The following LRFN5 variants were observed in gnomAD, a reference collection of about 807,000 sequenced individuals.
LRFN5 encodes leucine rich repeat and fibronectin type III domain containing 5.
LRFN5 carries 24 observed loss-of-function variants against 45.6 expected under a neutral mutation model. The ratio of observed to expected loss-of-function variants is 0.53; its 90% CI spans 0.38 to 0.74. The LOEUF is 0.74. Ranked by LOEUF, LRFN5 falls within the 30% of genes least tolerant of loss-of-function variation. LRFN5 has a pLI of 0.00. For missense variants in LRFN5, 776 were observed against 861.5 expected, an observed-to-expected ratio of 0.90 and a Z score of 1.24; for synonymous variants, 340 against 313.8, an observed-to-expected ratio of 1.08 and a Z score of -0.88.
intron 1 of LRFN5, chr14:41,742,651 G>A (rs1884751798): frequency 6.7e-6 from 1 of 149,362 alleles, no homozygotes; most frequent in East Asian, 2.0e-4. Context: ...TGGGGCTTAT[G>A]GGGCCATGAT....
At chr14:41,777,326 A>G (rs773802737) in intron 2 of LRFN5, among the ~76,000 whole-genome samples, 5 of 151,654 alleles carry the variant, frequency 3.3e-5, no homozygotes, top group Non-Finnish European at 5.9e-5. Context: ...TACTCTATCA[A>G]TGTTCTTTTT....
intron 1 of LRFN5, among the ~76,000 whole-genome samples, chr14:41,753,791 T>C (rs548651677): frequency 2.0e-5 from 3 of 152,284 alleles, no homozygotes; most frequent in Non-Finnish European, 1.5e-5. Flanking sequence ...TGGCCAGGAC[T>C]TCCAACACTA....
At chr14:41,829,560 G>T (rs1475244) in intron 2 of LRFN5, among the ~76,000 whole-genome samples, 79,337 of 151,380 alleles carry the variant, frequency 0.52, 21,683 homozygotes, top group African/African-American at 0.63. Context: ...TAATGGTTGT[G>T]TTCCTCTTGA....
chr14:41,741,077 AC>A (rs1396048724), intron 1 of LRFN5, among the ~76,000 whole-genome samples: 1 of 105,748 alleles, frequency 9.5e-6, no homozygotes, highest in Admixed American at 1.0e-4. Flanking sequence ...GTTGAAAAAC[AC>A]ACAATATAAA....
chr14:41,754,594 G>C (rs1885291188), intron 1 of LRFN5, among the ~76,000 whole-genome samples: 1 of 152,108 alleles, frequency 6.6e-6, no homozygotes, highest in South Asian at 2.1e-4. Context: ...TTGTATTTCT[G>C]TGAGATTGGT....
chr14:41,643,399 G>A (rs956029642), intron 1 of LRFN5, among the ~76,000 whole-genome samples: 3 of 152,068 alleles, frequency 2.0e-5, no homozygotes, highest in Non-Finnish European at 1.5e-5. Flanking sequence ...TATTGAAATG[G>A]AAAATATTTT....
At chr14:41,677,701 A>G (rs1881696122) in intron 1 of LRFN5, among the ~76,000 whole-genome samples, 1 of 152,132 alleles carries the variant, frequency 6.6e-6, no homozygotes, top group African/African-American at 2.4e-5. Flanking sequence ...ATGTGATCCA[A>G]TGAACACAGA....
chr14:41,876,087 C>A (rs1383470913), intron 2 of LRFN5, among the ~76,000 whole-genome samples: 1 of 152,056 alleles, frequency 6.6e-6, no homozygotes, highest in Non-Finnish European at 1.5e-5. Context: ...TAATCTCACC[C>A]CGACTATGTC....
intron 1 of LRFN5, among the ~76,000 whole-genome samples, chr14:41,612,801 T>C (rs1887801265): frequency 6.6e-6 from 1 of 152,108 alleles, no homozygotes; most frequent in Non-Finnish European, 1.5e-5. Context: ...GAACCATTTT[T>C]AGTATGCTCT....
At chr14:41,859,786 T>C (rs1378092797) in intron 2 of LRFN5, among the ~76,000 whole-genome samples, 4 of 152,222 alleles carry the variant, frequency 2.6e-5, no homozygotes, top group African/African-American at 4.8e-5. Flanking sequence ...TTTAATATTA[T>C]ACCTTTTTAA....
At chr14:41,746,343 A>C (rs755329410) in intron 1 of LRFN5, among the ~76,000 whole-genome samples, 30 of 151,974 alleles carry the variant, frequency 2.0e-4, no homozygotes, top group East Asian at 5.8e-4. Flanking sequence ...GAAGGAAACT[A>C]CCTCAATATT....
intron 1 of LRFN5, among the ~76,000 whole-genome samples, chr14:41,735,934 T>C (rs976985149): frequency 6.6e-6 from 1 of 152,172 alleles, no homozygotes; most frequent in Non-Finnish European, 1.5e-5. Flanking sequence ...AGGACATGAA[T>C]TCATTCTTTT....
intron 4 of LRFN5, chr14:41,893,432 C>T (rs1348095259): frequency 2.0e-6 from 2 of 984,788 alleles, no homozygotes; most frequent in Non-Finnish European, 2.4e-6. Flanking sequence ...GAGAACTGAC[C>T]CATTGCTTTG....
At chr14:41,858,359 C>T (rs564201411) in intron 2 of LRFN5, among the ~76,000 whole-genome samples, 10 of 152,218 alleles carry the variant, frequency 6.6e-5, no homozygotes, top group South Asian at 2.1e-4. Flanking sequence ...CCTTTAGACA[C>T]GCATTCTCTC....
chr14:41,805,854 T>C (rs1423260954), intron 2 of LRFN5, among the ~76,000 whole-genome samples: 1 of 152,146 alleles, frequency 6.6e-6, no homozygotes, highest in East Asian at 1.9e-4. Flanking sequence ...TCTTTTTGGT[T>C]GTTGCACAGC....
At chr14:41,631,436 G>A (rs544422459) in intron 1 of LRFN5, among the ~76,000 whole-genome samples, 2 of 152,102 alleles carry the variant, frequency 1.3e-5, no homozygotes, top group Admixed American at 6.6e-5. Flanking sequence ...TTAGTCAAGT[G>A]TACTGTGAAT....
chr14:41,873,896 G>A (rs1361626075), intron 2 of LRFN5, among the ~76,000 whole-genome samples: 2 of 152,026 alleles, frequency 1.3e-5, no homozygotes, highest in Non-Finnish European at 2.9e-5. Flanking sequence ...AAATACCCTA[G>A]GGAAACTGAA....
At chr14:41,787,933 A>G (rs547071537) in intron 2 of LRFN5, among the ~76,000 whole-genome samples, 21 of 152,042 alleles carry the variant, frequency 1.4e-4, no homozygotes, top group South Asian at 1.0e-3. Context: ...GGCCCTCCCA[A>G]TGGAATTGGT....
chr14:41,787,163 C>T (rs1256729131), intron 2 of LRFN5, among the ~76,000 whole-genome samples: 1 of 151,988 alleles, frequency 6.6e-6, no homozygotes, highest in Non-Finnish European at 1.5e-5. Context: ...TTTCTTGCTT[C>T]TGTTCCTTCC....
Sources: allele counts gnomAD v4.1 joint callset (sites outside exome capture counted in the v4.1 genomes callset), GRCh38; gene constraint gnomAD v4.1.1; transcripts MANE v1.5; gene names NCBI Gene and HGNC (gene_info 2026-07-23, HGNC 2026-07-21).